The following KLHL25 variants were observed in gnomAD, a reference collection of about 807,000 sequenced individuals.
The protein encoded by KLHL25 is kelch like family member 25, also known as kelch-like protein 25.
A neutral mutation model predicts 30.0 loss-of-function variants in KLHL25; 41 were observed. The ratio of observed to expected loss-of-function variants is 1.37; its 90% CI spans 1.07 to 1.78. KLHL25 has a LOEUF of 1.78. KLHL25 is among the 40% of genes most tolerant of loss of function. The probability of loss-of-function intolerance (pLI) is 0.00; values close to 1 mark genes in which losing one functional copy is unlikely to be tolerated. For missense variants in KLHL25, 971 were observed against 824.5 expected (o/e 1.18, Z -2.18); for synonymous variants, 399 against 355.3 (o/e 1.12, Z -1.38).
At chr15:85,771,571 G>C (rs111978973) in intron 1 of KLHL25, among the ~76,000 whole-genome samples, 69 of 152,350 alleles carry the variant, frequency 4.5e-4, no homozygotes, top group Non-Finnish European at 8.1e-4. Flanking sequence ...CCCTGCTTTT[G>C]GGCTTAGGCA....
At chr15:85,791,313 T>C (rs1597283394) in intron 1 of KLHL25, among the ~76,000 whole-genome samples, 1 of 149,932 alleles carries the variant, frequency 6.7e-6, no homozygotes, top group Non-Finnish European at 1.5e-5. Flanking sequence ...CTGGACAACA[T>C]GGAGAAACCC....
chr15:85,789,860 T>A lies in KLHL25; in HGVS notation c.-11+4906A>T, dbSNP rs1430493940. Among the ~76,000 whole-genome samples the A allele has an allele frequency of 6.6e-6, 1 of 152,018 alleles. No individual in the cohort carries two copies. The highest frequency in any genetic ancestry group is 1.5e-5 in the Non-Finnish European group (1 of 67,992). On this transcript the variant is annotated intron_variant, in intron 1 of 2. Transcript: ENST00000337975. The surrounding 1 kb of genome is among the most constrained non-coding windows in gnomAD (Gnocchi z 4.1). Reference sequence around the variant, plus strand: ...AGCCCCTTCGCAGGAGGCCTCAAACTCTGAGGCAGTGGGCAGGGACAGGGA... The same window carrying A: ...AGCCCCTTCGCAGGAGGCCTCAAACACTGAGGCAGTGGGCAGGGACAGGGA...
At chr15:85,769,857 C>T in intron 1 of KLHL25, 37 bp from the exon 2 acceptor site, 2 of 1,531,362 alleles carry the variant, frequency 1.3e-6, no homozygotes, top group Non-Finnish European at 8.9e-7. Flanking sequence ...AGAGGAGCCC[C>T]TCCTGCCCAT....
intron 2 of KLHL25, chr15:85,762,095 T>G (rs936294084): frequency 6.6e-6 from 1 of 152,334 alleles, no homozygotes; most frequent in African/African-American, 2.4e-5. Context: ...TCAAGTTGTT[T>G]CCAGATACAG....
intron 1 of KLHL25, among the ~76,000 whole-genome samples, chr15:85,775,523 C>G (rs999998875): frequency 3.3e-5 from 5 of 152,122 alleles, no homozygotes; most frequent in African/African-American, 1.2e-4. Flanking sequence ...AACACACAGC[C>G]GCAAGGACCT....
chr15:85,764,704 G>C (rs551784383), intron 2 of KLHL25, among the ~76,000 whole-genome samples: 1 of 152,298 alleles, frequency 6.6e-6, no homozygotes, highest in South Asian at 2.1e-4. Flanking sequence ...GCTAAGCAGA[G>C]ACATCTAGAG....
At chr15:85,781,691 C>G (rs924661829) in intron 1 of KLHL25, among the ~76,000 whole-genome samples, 1 of 152,084 alleles carries the variant, frequency 6.6e-6, no homozygotes, top group Non-Finnish European at 1.5e-5. Context: ...ACCATGTTGG[C>G]CAGGCTGGTC....
intron 1 of KLHL25, 82 bp downstream of exon 1, chr15:85,794,684 G>A (rs1237227245): frequency 6.6e-6 from 1 of 152,070 alleles, no homozygotes; most frequent in Non-Finnish European, 1.5e-5. Flanking sequence ...CCCGGCCCGG[G>A]GTGGTGAGTC....
chr15:85,766,738 C>T (rs2089628496), intron 2 of KLHL25, among the ~76,000 whole-genome samples: 1 of 152,188 alleles, frequency 6.6e-6, no homozygotes, highest in Non-Finnish European at 1.5e-5. Context: ...TGGCAGCAAC[C>T]CACAGACACT....
chr15:85,777,378 A>G (rs2089716507), intron 1 of KLHL25, among the ~76,000 whole-genome samples: 1 of 152,278 alleles, frequency 6.6e-6, no homozygotes, highest in South Asian at 2.1e-4. Flanking sequence ...CAATGCTCTC[A>G]AATTGTGTCT....
At chr15:85,783,262 AT>A (rs34709213) in intron 1 of KLHL25, among the ~76,000 whole-genome samples, 51 of 145,926 alleles carry the variant, frequency 3.5e-4, no homozygotes, top group Admixed American at 2.7e-4. Flanking sequence ...TAATTTTTGT[AT>A]TTTTTTTTTT....
chr15:85,768,026 C>A lies in KLHL25; in HGVS notation c.*15G>T. Reference sequence around the variant, plus strand: ...GCTGCCAGGGACTCACCTGGCTGGGCTCAGCAGGTGCTCCTCACGCGGGCA... The same window carrying A: ...GCTGCCAGGGACTCACCTGGCTGGGATCAGCAGGTGCTCCTCACGCGGGCA... On this transcript the variant is annotated 3_prime_UTR_variant, in exon 2 of 3. Transcript: ENST00000337975. The A allele has an allele frequency of 6.2e-7, 1 of 1,600,520 alleles. No individual in the cohort carries two copies. The highest frequency in any genetic ancestry group is 1.7e-4 in the Middle Eastern group (1 of 5,888).
At chr15:85,765,907 T>G (rs1190567783) in intron 2 of KLHL25, among the ~76,000 whole-genome samples, 1 of 152,048 alleles carries the variant, frequency 6.6e-6, no homozygotes, top group Non-Finnish European at 1.5e-5. Context: ...CTGGCCTCTG[T>G]GAGCCCAAAC....
intron 1 of KLHL25, among the ~76,000 whole-genome samples, chr15:85,788,091 A>T (rs941337058): frequency 1.3e-5 from 2 of 149,762 alleles, no homozygotes; most frequent in African/African-American, 4.9e-5. Flanking sequence ...AAATCCATTG[A>T]TATATTATTT....
intron 1 of KLHL25, among the ~76,000 whole-genome samples, chr15:85,777,503 T>C (rs1293395371): frequency 1.3e-5 from 2 of 151,944 alleles, no homozygotes; most frequent in African/African-American, 2.4e-5. Flanking sequence ...CGAAGGGAGG[T>C]CCCGACAGAC....
chr15:85,766,647 AGT>A (rs1472943048), intron 2 of KLHL25, among the ~76,000 whole-genome samples: 3 of 152,134 alleles, frequency 2.0e-5, no homozygotes, highest in Non-Finnish European at 4.4e-5. Flanking sequence ...AACTGCTCCC[AGT>A]GTCTCTGTCC....
intron 1 of KLHL25, among the ~76,000 whole-genome samples, chr15:85,771,632 G>C (rs1001342148): frequency 5.9e-5 from 9 of 152,200 alleles, no homozygotes; most frequent in African/African-American, 2.2e-4. Flanking sequence ...CCAAGCTCCA[G>C]GTAGACTGTA....
chr15:85,791,846 G>A (rs2089819396), intron 1 of KLHL25, among the ~76,000 whole-genome samples: 1 of 152,180 alleles, frequency 6.6e-6, no homozygotes, highest in Non-Finnish European at 1.5e-5. Flanking sequence ...GCTCAATGAG[G>A]TTAAGGAACT....
rs751785830 is a variant in KLHL25, at chr15:85,768,765, C to T, written c.1046G>A (p.Gly349Asp). 3.1e-6 allele frequency: 5 copies of T among 1,612,842 alleles called. No homozygotes were observed. Among genetic ancestry groups the T allele is most frequent in the East Asian group, 4.5e-5 (2 of 44,882 alleles). Residue 349 changes from glycine to aspartate, a missense_variant, in exon 2 of 3, where the codon GGC becomes GAC. Physicochemically the swap from Gly to Asp is moderately conservative, Grantham distance 94. Transcript: ENST00000337975. ...GCKVYVTGGR[G>D]SENGVSKDVW... ...ATCCTTGGAGACCCCGTTCTCGGAG[C>T]CCCTGCCCCCCGTCACATAGACCTT...
Sources: allele counts gnomAD v4.1 joint callset (sites outside exome capture counted in the v4.1 genomes callset), GRCh38; gene constraint gnomAD v4.1.1; non-coding constraint Gnocchi (gnomAD v3.1); transcripts MANE v1.5; gene names NCBI Gene and HGNC (gene_info 2026-07-23, HGNC 2026-07-21).